RPL28: variants seen among roughly 807,000 people sequenced by gnomAD.
RPL28 encodes ribosomal protein L28.
RPL28 carries 4 observed loss-of-function variants against 12.5 expected under a neutral mutation model. The ratio of observed to expected loss-of-function variants is 0.32; its 90% confidence interval spans 0.16 to 0.73. The LOEUF (loss-of-function observed/expected upper bound fraction) is 0.73, where lower values mean the gene tolerates loss of function less well. Among genes scored for constraint, RPL28 ranks in the 30% least tolerant of loss-of-function variants. The probability of loss-of-function intolerance (pLI) is 0.66; values close to 1 mark genes in which losing one functional copy is unlikely to be tolerated. For missense variants in RPL28, 214 were observed against 197.7 expected, an observed-to-expected ratio of 1.08 and a Z score of -0.49; for synonymous variants, 91 against 72.5, an observed-to-expected ratio of 1.26 and a Z score of -1.30.
chr19:55,387,832 T>C, intron 3 of RPL28, 98 bp from the exon 4 acceptor site: 5 of 1,485,788 alleles, frequency 3.4e-6, no homozygotes, highest in East Asian at 2.3e-5. Flanking sequence ...GGGCCCACGC[T>C]GCTCAGCTTC....
rs985743548 is a variant in RPL28 at position 55,389,071 on chromosome 19, G to T, written c.*739G>T. The T allele has an allele frequency of 1.0e-6, 1 of 985,548 alleles. No individual in the cohort carries two copies. Among genetic ancestry groups the T allele is most frequent in the Non-Finnish European group, 1.2e-6 (1 of 830,032 alleles). 61.1% of individuals were successfully genotyped at this position (985,548 alleles called of 1,614,324 possible). On this transcript the variant is annotated 3_prime_UTR_variant, in exon 5 of 5. Transcript: ENST00000344063. ...GCTCCTGGGCCACCCTGTCACCCAA[G>T]CTTTCCTGATTGCCCAGCCCTCTTG...
chr19:55,395,262 A>G (rs2090014067), downstream of RPL28, among the ~76,000 whole-genome samples: 1 of 150,054 alleles, frequency 6.7e-6, no homozygotes, highest in South Asian at 2.1e-4. Context: ...TCAGCCTCCC[A>G]AGTAGCTGGG....
downstream of RPL28, among the ~76,000 whole-genome samples, chr19:55,396,680 A>C (rs1274408979): frequency 7.1e-6 from 1 of 140,870 alleles, no homozygotes; most frequent in Non-Finnish European, 1.5e-5. Flanking sequence ...TCCCGGGTTC[A>C]CGCCATTCTC....
At chr19:55,392,785 C>G (rs2089999809), downstream of RPL28, among the ~76,000 whole-genome samples, 1 of 152,036 alleles carries the variant, frequency 6.6e-6, no homozygotes, top group Non-Finnish European at 1.5e-5. Context: ...CGCCTCGGTC[C>G]CCCAAAGTGC....
rs1447648874 is a variant in RPL28, at chr19:55,401,095, G to A, written c.325-1848G>A. 3 of 327,698 alleles carry A rather than the reference G, an allele frequency of 9.2e-6. No individual in the cohort carries two copies. In the Admixed American group the frequency reaches 1.4e-4, roughly 15 times the overall value. The allele number at this position is 327,698 out of a possible 1,614,324, so 20.3% of individuals were successfully genotyped here. On this transcript the variant is annotated intron_variant, in intron 4 of 4. Coordinates refer to the RPL28 transcript ENST00000560055. ...AAATCTGACTCCAAAGAGGGGTTGTGACCGCTCTACCTCCACAGAACAAAG... is the reference window on the plus strand; with the variant it reads ...AAATCTGACTCCAAAGAGGGGTTGTAACCGCTCTACCTCCACAGAACAAAG...
downstream of RPL28, among the ~76,000 whole-genome samples, chr19:55,396,386 G>A (rs1395130274): frequency 2.0e-5 from 3 of 150,590 alleles, no homozygotes; most frequent in Non-Finnish European, 4.4e-5. Context: ...CAATACCCAG[G>A]TCAGGAAATG....
At position 55,388,375 on chromosome 19, in the gene RPL28, C is replaced by A; in HGVS notation, c.*43C>A. The A allele has an allele frequency of 7.0e-7, 1 of 1,438,188 alleles. No homozygotes were observed. Among genetic ancestry groups the A allele is most frequent in the South Asian group, 1.5e-5 (1 of 66,594 alleles). The allele number at this position is 1,438,188 out of a possible 1,614,324, so 89.1% of individuals were successfully genotyped here. A position where few individuals can be genotyped will look rare whatever the true frequency, so the allele number is the denominator to read the frequency against. ...CAATAAAGTCAGCTGGCTTTCTCAC[C>A]TGCCTCGACTGGGCCTCCCTTTTTG... On this transcript the variant is annotated 3_prime_UTR_variant, in exon 5 of 5. Coordinates refer to ENST00000344063, the MANE Select transcript of RPL28 (RefSeq NM_000991.5).
At chr19:55,401,403 T>G (rs775660863) in intron 4 of RPL28, 12 of 1,472,170 alleles carry the variant, frequency 8.2e-6, no homozygotes, top group East Asian at 6.8e-5. Flanking sequence ...ACAGGAGAGG[T>G]TGGGGTCACG....
chr19:55,397,748 A>G (rs28504981), intron 4 of RPL28, among the ~76,000 whole-genome samples: 15,006 of 138,648 alleles, frequency 0.11, 1,180 homozygotes, highest in African/African-American at 0.21. Flanking sequence ...GCGTGCTTAT[A>G]GTCCCAGCTA....
At chr19:55,401,234 C>CCACA (rs1166578770) in intron 4 of RPL28, 1 of 655,960 alleles carries the variant, frequency 1.5e-6, no homozygotes, top group African/African-American at 1.8e-5. Context: ...ACTCCCAGAG[C>CCACA]CACATGGCAC....
intron 4 of RPL28, among the ~76,000 whole-genome samples, chr19:55,399,400 C>G (rs1367962690): frequency 6.6e-6 from 1 of 151,994 alleles, no homozygotes; most frequent in Admixed American, 6.6e-5. Context: ...CTCCTGACCT[C>G]AGGTGACCTG....
chr19:55,397,712 A>G (rs1453537328), intron 4 of RPL28, among the ~76,000 whole-genome samples: 4 of 145,534 alleles, frequency 2.7e-5, no homozygotes, highest in East Asian at 2.3e-4. Context: ...TGTATGTCCA[A>G]GTACATGAGA....
intron 4 of RPL28, among the ~76,000 whole-genome samples, chr19:55,398,350 T>C (rs936621851): frequency 6.6e-6 from 1 of 152,100 alleles, no homozygotes; most frequent in African/African-American, 2.4e-5. Flanking sequence ...ACCAAAAAGG[T>C]TGTTGAGTAA....
downstream of RPL28, among the ~76,000 whole-genome samples, chr19:55,397,068 CAG>C (rs2090029312): frequency 2.0e-5 from 3 of 151,934 alleles, no homozygotes; most frequent in Admixed American, 1.3e-4. Flanking sequence ...TTTGTACAGA[CAG>C]GGTTTCGCCA....
At chr19:55,403,107 T>A in exon 5 of RPL28, 1 of 914,586 alleles carries the variant, frequency 1.1e-6, no homozygotes, top group Non-Finnish European at 1.7e-6. Context: ...ACCCACTAGA[T>A]GCTAGTGGCA....
downstream of RPL28, among the ~76,000 whole-genome samples, chr19:55,393,882 T>G (rs2090007469): frequency 6.6e-6 from 1 of 151,908 alleles, no homozygotes; most frequent in African/African-American, 2.4e-5. Context: ...ACTCCTGACC[T>G]CAGGTGATCT....
chr19:55,388,218 C>A, intron 4 of RPL28, 25 bp from the exon 5 acceptor site: 1 of 1,519,204 alleles, frequency 6.6e-7, no homozygotes, highest in Non-Finnish European at 8.8e-7. Context: ...ATGGGCTGAG[C>A]CTTGCTCTGC....
At chr19:55,395,120 TC>T (rs913710491), downstream of RPL28, among the ~76,000 whole-genome samples, 4 of 152,096 alleles carry the variant, frequency 2.6e-5, no homozygotes, top group African/African-American at 9.7e-5. Flanking sequence ...TTCTTTTTTT[TC>T]CTTTTCTTAT....
intron 1 of RPL28, 150 bp from the exon 2 acceptor site, chr19:55,386,200 A>C: frequency 2.9e-5 from 20 of 683,676 alleles, no homozygotes; most frequent in East Asian, 5.5e-5. Flanking sequence ...CCGCCTGACA[A>C]GAGTTCTAGG....
Sources: gnomAD v4.1 joint callset for allele counts (sites outside exome capture counted in the v4.1 genomes callset) on GRCh38, gnomAD v4.1.1 for gene constraint, MANE v1.5 for transcripts, NCBI Gene and HGNC (gene_info 2026-07-23, HGNC 2026-07-21) for gene names.